SPOCK1: variants seen among roughly 807,000 people sequenced by gnomAD.
The protein encoded by SPOCK1 is SPARC (osteonectin), cwcv and kazal like domains proteoglycan 1.
In SPOCK1, 23 loss-of-function variants were observed where a neutral mutation model predicts 55.3. The ratio of observed to expected loss-of-function variants is 0.42; its 90% CI spans 0.30 to 0.59. The LOEUF (loss-of-function observed/expected upper bound fraction) is 0.59. SPOCK1 is among the 20% of genes least tolerant of loss of function. SPOCK1 has a pLI of 0.22. For missense variants in SPOCK1, 499 were observed against 552.5 expected (o/e 0.90, Z 0.97); for synonymous variants, 226 against 221.0 (o/e 1.02, Z -0.20).
chr5:137,494,835 T>C (rs1189012927), intron 2 of SPOCK1, among the ~76,000 whole-genome samples: 1 of 152,152 alleles, frequency 6.6e-6, no homozygotes, highest in East Asian at 1.9e-4. Context: ...CAGAGGAAAA[T>C]TTCCTTATGG....
At chr5:137,310,217 G>A (rs751659206) in intron 2 of SPOCK1, among the ~76,000 whole-genome samples, 4 of 151,892 alleles carry the variant, frequency 2.6e-5, no homozygotes, top group African/African-American at 4.8e-5. Context: ...AAACGTAGGC[G>A]CAAAGTGCTT....
chr5:137,251,349 C>A (rs1756525450), intron 3 of SPOCK1, among the ~76,000 whole-genome samples: 1 of 152,198 alleles, frequency 6.6e-6, no homozygotes, highest in Non-Finnish European at 1.5e-5. Flanking sequence ...AGCAATCATA[C>A]TTGTCTTCCC....
chr5:137,243,435 T>C (rs1446371023), intron 3 of SPOCK1, among the ~76,000 whole-genome samples: 5 of 152,184 alleles, frequency 3.3e-5, no homozygotes, highest in Non-Finnish European at 5.9e-5. Context: ...GAGAAGATAA[T>C]TTTCTGAAAT....
chr5:137,209,743 G>A (rs1048452534), intron 3 of SPOCK1, among the ~76,000 whole-genome samples: 1 of 152,174 alleles, frequency 6.6e-6, no homozygotes, highest in African/African-American at 2.4e-5. Context: ...TTAGAAGGTA[G>A]AAAATTGATT....
At chr5:137,169,803 C>T (rs1754714265) in intron 3 of SPOCK1, among the ~76,000 whole-genome samples, 1 of 152,180 alleles carries the variant, frequency 6.6e-6, no homozygotes, top group African/African-American at 2.4e-5. Context: ...TTGACCACTG[C>T]CCCAGAGCAT....
chr5:137,104,215 G>T (rs1288844318), intron 5 of SPOCK1, among the ~76,000 whole-genome samples: 1 of 152,102 alleles, frequency 6.6e-6, no homozygotes, highest in South Asian at 2.1e-4. Flanking sequence ...GTTCTCAGGA[G>T]ATCTGTTTGT....
intron 5 of SPOCK1, among the ~76,000 whole-genome samples, chr5:137,089,997 G>A (rs974364840): frequency 3.3e-5 from 5 of 152,202 alleles, no homozygotes; most frequent in Non-Finnish European, 5.9e-5. Flanking sequence ...CATGCCAGGT[G>A]TAAGCACTAG....
At chr5:137,033,757 T>C (rs887801074) in intron 6 of SPOCK1, among the ~76,000 whole-genome samples, 8 of 152,222 alleles carry the variant, frequency 5.3e-5, no homozygotes, top group Non-Finnish European at 7.3e-5. Context: ...TATGTTGTTA[T>C]TAATTTTCAT....
At chr5:137,168,610 A>C (rs1754693210) in intron 3 of SPOCK1, among the ~76,000 whole-genome samples, 1 of 152,184 alleles carries the variant, frequency 6.6e-6, no homozygotes, top group African/African-American at 2.4e-5. Context: ...AAAGGTGCTC[A>C]ACATCACTGA....
intron 2 of SPOCK1, among the ~76,000 whole-genome samples, chr5:137,342,020 G>A (rs975665820): frequency 6.6e-6 from 1 of 152,192 alleles, no homozygotes. Context: ...CCAGGGCTGC[G>A]GTGTGTGGGT....
chr5:137,122,282 G>C (rs1210290947), intron 4 of SPOCK1, among the ~76,000 whole-genome samples: 10 of 124,642 alleles, frequency 8.0e-5, no homozygotes, highest in Admixed American at 1.6e-4. Context: ...CACACACACA[G>C]AGGCACTCTC....
chr5:137,347,752 CA>C (rs1259540758), intron 2 of SPOCK1, among the ~76,000 whole-genome samples: 1 of 150,982 alleles, frequency 6.6e-6, no homozygotes, highest in Non-Finnish European at 1.5e-5. Context: ...AACAAACAAA[CA>C]AAAAAAAACC....
intron 2 of SPOCK1, among the ~76,000 whole-genome samples, chr5:137,382,194 A>G (rs1377430705): frequency 1.3e-5 from 2 of 152,240 alleles, no homozygotes; most frequent in Non-Finnish European, 2.9e-5. Context: ...AGTTCCCAGT[A>G]GGTTCCTCAT....
At chr5:137,173,682 T>C (rs973787830) in intron 3 of SPOCK1, among the ~76,000 whole-genome samples, 1 of 152,230 alleles carries the variant, frequency 6.6e-6, no homozygotes, top group African/African-American at 2.4e-5. Flanking sequence ...TTAGTTTGAA[T>C]GGCATATGAG....
intron 3 of SPOCK1, among the ~76,000 whole-genome samples, chr5:137,176,403 G>A (rs1340402351): frequency 6.6e-6 from 1 of 152,086 alleles, no homozygotes; most frequent in Non-Finnish European, 1.5e-5. Flanking sequence ...ATGTCCTGGA[G>A]GATATTTAGA....
chr5:137,137,551 G>A (rs866840717), intron 4 of SPOCK1, among the ~76,000 whole-genome samples: 5 of 152,222 alleles, frequency 3.3e-5, no homozygotes, highest in Non-Finnish European at 7.3e-5. Flanking sequence ...CCACCTCCCA[G>A]ATCTTGATAA....
At chr5:137,252,259 C>T (rs1190321490) in intron 3 of SPOCK1, among the ~76,000 whole-genome samples, 1 of 152,156 alleles carries the variant, frequency 6.6e-6, no homozygotes, top group Admixed American at 6.5e-5. Context: ...TCTCCCATCT[C>T]CCCCCATGCT....
intron 2 of SPOCK1, among the ~76,000 whole-genome samples, chr5:137,493,065 A>G (rs1561550073): frequency 6.6e-6 from 1 of 152,196 alleles, no homozygotes; most frequent in Non-Finnish European, 1.5e-5. Flanking sequence ...CAGGAAATTT[A>G]TTTTGTTTGT....
chr5:137,464,343 G>T (rs1753554218), intron 2 of SPOCK1, among the ~76,000 whole-genome samples: 1 of 152,010 alleles, frequency 6.6e-6, no homozygotes, highest in South Asian at 2.1e-4. Flanking sequence ...TGAAGGGATG[G>T]ATACTCAATT....
Sources: gnomAD v4.1 joint callset for allele counts (sites outside exome capture counted in the v4.1 genomes callset) on GRCh38, gnomAD v4.1.1 for gene constraint, MANE v1.5 for transcripts, NCBI Gene and HGNC (gene_info 2026-07-23, HGNC 2026-07-21) for gene names.